The following GUCY2F variants were observed in gnomAD, a reference collection of about 807,000 sequenced individuals.
The protein encoded by GUCY2F is retinal guanylyl cyclase 2.
In GUCY2F, 61 loss-of-function variants were observed where a neutral mutation model predicts 73.1. That is an observed-to-expected ratio of 0.83 (90% CI 0.68 to 1.03). GUCY2F has a LOEUF of 1.03. Ranked by LOEUF, GUCY2F falls within the 50% of genes least tolerant of loss-of-function variation. GUCY2F has a pLI of 0.00. For synonymous variants in GUCY2F, 331 were observed against 307.8 expected, an observed-to-expected ratio of 1.08 and a Z score of -0.79; for missense variants, 912 against 854.3, an observed-to-expected ratio of 1.07 and a Z score of -0.84.
chrX:109,397,836 A>ATT (rs77814407), intron 11 of GUCY2F, among the ~76,000 whole-genome samples: 7 of 99,072 alleles, frequency 7.1e-5, no homozygotes, highest in Middle Eastern at 4.7e-3. Flanking sequence ...GAGGTTATGT[A>ATT]TTTTTTTTTT....
chrX:109,393,039 T>C lies in GUCY2F; in HGVS notation c.2441A>G (p.Lys814Arg). 9.2e-7 allele frequency: 1 copy of C among 1,086,458 alleles called. No individual in the cohort carries two copies. Among genetic ancestry groups the C allele is most frequent in the Non-Finnish European group, 1.3e-6 (1 of 787,102 alleles). The allele number at this position is 1,086,458 out of a possible 1,213,427, so 89.5% of individuals were successfully genotyped here. Residue 814 changes from lysine (K) to arginine (R), a missense_variant, in exon 13 of 20, where the codon AAA becomes AGA. Transcript: ENST00000218006. Reference sequence around the variant, plus strand: ...ATCAATAATATTGGTCTTCTTCCCTTTATTAAAAGTTTTAAACTGGAAGTA... The same window carrying C: ...ATCAATAATATTGGTCTTCTTCCCTCTATTAAAAGTTTTAAACTGGAAGTA... ...EIFNQFKTFNKGKKTNIIDSM... is the reference protein window; with the variant it reads ...EIFNQFKTFNRGKKTNIIDSM...
intron 5 of GUCY2F, among the ~76,000 whole-genome samples, chrX:109,451,726 C>T (rs1228990516): frequency 2.7e-5 from 3 of 111,367 alleles, no homozygotes; most frequent in East Asian, 5.7e-4. Context: ...AGGAGAACAA[C>T]GATAGGGAGT....
intron 3 of GUCY2F, among the ~76,000 whole-genome samples, chrX:109,457,179 A>G (rs1932276605): frequency 1.8e-5 from 2 of 112,200 alleles, no homozygotes; most frequent in Admixed American, 1.9e-4. Flanking sequence ...TACTTTAGAT[A>G]GCTCTACCTG....
At chrX:109,470,262 G>T (rs1932548271) in intron 2 of GUCY2F, among the ~76,000 whole-genome samples, 1 of 111,934 alleles carries the variant, frequency 8.9e-6, no homozygotes, top group Non-Finnish European at 1.9e-5. Flanking sequence ...ATTTCCTCTT[G>T]TGTCAAGCCT....
rs1485711730 is a variant in GUCY2F, at chrX:109,430,478, GT to G, written c.1702-83del. On this transcript the variant is annotated intron_variant, in intron 7 of 19. Transcript: ENST00000218006. ...GAAAAATGTCCCTTCCACATAAAGG[GT>G]TTATACCTATACCAGCAATCCAAAT... The G allele has an allele frequency of 5.3e-6, 3 of 571,268 alleles. No homozygotes were observed. In the East Asian group the frequency reaches 1.0e-4, roughly 19 times the overall value. The allele number at this position is 571,268 out of a possible 1,213,427, so 47.1% of individuals were successfully genotyped here. A position where few individuals can be genotyped will look rare whatever the true frequency, so the allele number is the denominator to read the frequency against.
chrX:109,433,668 T>G (rs755124312), intron 7 of GUCY2F, among the ~76,000 whole-genome samples: 1 of 112,291 alleles, frequency 8.9e-6, no homozygotes, highest in South Asian at 3.7e-4. Flanking sequence ...TAAGAGAGAA[T>G]GATAAAATAC....
At chrX:109,420,432 G>C (rs1298606754) in intron 8 of GUCY2F, among the ~76,000 whole-genome samples, 1 of 108,367 alleles carries the variant, frequency 9.2e-6, no homozygotes, top group African/African-American at 3.3e-5. Flanking sequence ...AGAAGGAGAG[G>C]GAAAGGGAGG....
chrX:109,472,953 T>C (rs765882888), intron 2 of GUCY2F, among the ~76,000 whole-genome samples: 2 of 111,210 alleles, frequency 1.8e-5, no homozygotes, highest in East Asian at 5.7e-4. Context: ...GACATGTGCC[T>C]GTACCATGTA....
At chrX:109,478,760 A>G (rs182195146) in intron 1 of GUCY2F, among the ~76,000 whole-genome samples, 1 of 112,708 alleles carries the variant, frequency 8.9e-6, no homozygotes, top group Admixed American at 9.3e-5. Context: ...CTATTTACAG[A>G]TGATGAAACT....
intron 7 of GUCY2F, among the ~76,000 whole-genome samples, chrX:109,434,661 T>C (rs1931694835): frequency 9.1e-6 from 1 of 110,431 alleles, no homozygotes; most frequent in Middle Eastern, 4.2e-3. Context: ...TTGGCTTTTG[T>C]TGCCATTGCT....
At chrX:109,428,890 T>C (rs1253058689) in intron 8 of GUCY2F, among the ~76,000 whole-genome samples, 1 of 112,121 alleles carries the variant, frequency 8.9e-6, no homozygotes, top group African/African-American at 3.2e-5. Context: ...GGTTTGAAAT[T>C]ATGTCAAAAT....
intron 17 of GUCY2F, among the ~76,000 whole-genome samples, chrX:109,376,940 A>G (rs1603378201): frequency 8.9e-6 from 1 of 111,807 alleles, no homozygotes; most frequent in East Asian, 2.8e-4. Context: ...TAAGAAAAAA[A>G]TGTGTTTACC....
intron 16 of GUCY2F, among the ~76,000 whole-genome samples, chrX:109,384,414 C>T (rs2147251080): frequency 8.9e-6 from 1 of 112,130 alleles, no homozygotes; most frequent in African/African-American, 3.2e-5. Flanking sequence ...ATGCTTTGCT[C>T]AACCATGATA....
intron 6 of GUCY2F, among the ~76,000 whole-genome samples, chrX:109,443,307 TA>T (rs745393145): frequency 7.3e-4 from 81 of 111,597 alleles, no homozygotes; most frequent in Non-Finnish European, 1.3e-3. Context: ...TAAAACAATT[TA>T]TTTTTTTTTA....
chrX:109,410,501 C>T (rs1379355822), intron 8 of GUCY2F, among the ~76,000 whole-genome samples: 1 of 112,478 alleles, frequency 8.9e-6, no homozygotes, highest in Non-Finnish European at 1.9e-5. Flanking sequence ...TTTCTCTTTG[C>T]ATTCATTCAT....
intron 17 of GUCY2F, among the ~76,000 whole-genome samples, chrX:109,377,806 G>A (rs986298862): frequency 1.8e-5 from 2 of 111,267 alleles, no homozygotes; most frequent in African/African-American, 3.3e-5. Context: ...CAAAGATTTG[G>A]GTGGGTCTTA....
At chrX:109,409,265 T>C (rs189316372) in intron 8 of GUCY2F, 97 bp from the exon 9 acceptor site, 155 of 474,668 alleles carry the variant, frequency 3.3e-4, no homozygotes, top group African/African-American at 3.1e-3. Context: ...CTTCTTATGA[T>C]TGGTTGTGTG....
intron 10 of GUCY2F, among the ~76,000 whole-genome samples, chrX:109,403,106 C>T (rs1018829654): frequency 3.6e-5 from 4 of 111,729 alleles, no homozygotes; most frequent in Non-Finnish European, 7.5e-5. Flanking sequence ...CTTCTTTATG[C>T]TTGCAATATT....
intron 8 of GUCY2F, among the ~76,000 whole-genome samples, chrX:109,424,555 G>A (rs1489192866): frequency 9.0e-6 from 1 of 110,784 alleles, no homozygotes; most frequent in African/African-American, 3.3e-5. Flanking sequence ...TTACCCCAAT[G>A]TAAACTATGG....
Sources: gnomAD v4.1 joint callset for allele counts (sites outside exome capture counted in the v4.1 genomes callset) on GRCh38, gnomAD v4.1.1 for gene constraint, MANE v1.5 for transcripts, NCBI Gene and HGNC (gene_info 2026-07-23, HGNC 2026-07-21) for gene names.